Variants in TRPM3 observed in about 807,000 individuals in gnomAD.
The protein encoded by TRPM3 is long transient receptor potential channel 3.
In TRPM3, 77 loss-of-function variants were observed where a neutral mutation model predicts 181.2. That is an observed-to-expected ratio of 0.42 (90% CI 0.35 to 0.51). The LOEUF (loss-of-function observed/expected upper bound fraction) is 0.51. Among genes scored for constraint, TRPM3 ranks in the 20% least tolerant of loss-of-function variants. The pLI, the probability that TRPM3 is intolerant of heterozygous loss-of-function variation, is 0.01. For missense variants in TRPM3, 1,759 were observed against 2,196.7 expected (o/e 0.80, Z 3.98); for synonymous variants, 745 against 796.4 (o/e 0.94, Z 1.09).
chr9:70,701,545 C>CT (rs2072581497), intron 8 of TRPM3, among the ~76,000 whole-genome samples: 2 of 152,068 alleles, frequency 1.3e-5, no homozygotes, highest in Non-Finnish European at 2.9e-5. Context: ...TCAAATTAGT[C>CT]TTTTTTTCCT....
intron 1 of TRPM3, among the ~76,000 whole-genome samples, chr9:71,360,134 T>A (rs2092082419): frequency 6.6e-6 from 1 of 152,132 alleles, no homozygotes; most frequent in South Asian, 2.1e-4. Context: ...TCCTAATCTT[T>A]ACTTCCAAGC....
At chr9:71,397,418 TAA>T (rs2093227325) in intron 1 of TRPM3, among the ~76,000 whole-genome samples, 1 of 152,200 alleles carries the variant, frequency 6.6e-6, no homozygotes, top group Non-Finnish European at 1.5e-5. Flanking sequence ...GATAATCTTA[TAA>T]ACTGTATCTT....
Position 70,535,548 on chromosome 9 carries a change from G to A in TRPM3, c.*405C>T. ...TACGCTGGCTATTTTATTTTATTTTGCAATTTAGCCCTGCATCCTACAACT... is the reference window on the plus strand; with the variant it reads ...TACGCTGGCTATTTTATTTTATTTTACAATTTAGCCCTGCATCCTACAACT... On this transcript the variant is annotated 3_prime_UTR_variant, in exon 26 of 26. Coordinates refer to ENST00000677713, the MANE Select transcript of TRPM3 (RefSeq NM_001366145.2). 3 of 1,542,806 alleles carry A rather than the reference G, an allele frequency of 1.9e-6. No individual in the cohort carries two copies. Among genetic ancestry groups the A allele is most frequent in the Non-Finnish European group, 2.6e-6 (3 of 1,145,132 alleles).
At chr9:71,250,324 C>CT (rs1423811508) in intron 1 of TRPM3, among the ~76,000 whole-genome samples, 1 of 152,016 alleles carries the variant, frequency 6.6e-6, no homozygotes, top group East Asian at 1.9e-4. Flanking sequence ...TCTCATTTTG[C>CT]TTTTTATTTT....
chr9:70,670,767 T>C (rs1263631586), intron 9 of TRPM3, among the ~76,000 whole-genome samples: 1 of 152,182 alleles, frequency 6.6e-6, no homozygotes, highest in African/African-American at 2.4e-5. Flanking sequence ...GTATTTACCA[T>C]AAAGAAGGCA....
chr9:70,675,348 GGCCTCCCAAAGTGCTGGGAT>G, intron 9 of TRPM3, among the ~76,000 whole-genome samples: 1 of 152,218 alleles, frequency 6.6e-6, no homozygotes, highest in African/African-American at 2.4e-5. Flanking sequence ...TGATCCACTC[GGCCTCCCAAAGTGCTGGGAT>G]TACAGGTGTG....
chr9:71,307,047 C>T (rs373032430), intron 1 of TRPM3, among the ~76,000 whole-genome samples: 3 of 152,098 alleles, frequency 2.0e-5, no homozygotes, highest in Admixed American at 6.5e-5. Flanking sequence ...CTCCTCTGAA[C>T]ATTTTATGCA....
chr9:71,360,767 T>C (rs2092107145), intron 1 of TRPM3, among the ~76,000 whole-genome samples: 1 of 152,156 alleles, frequency 6.6e-6, no homozygotes, highest in South Asian at 2.1e-4. Flanking sequence ...CAAGATTTAA[T>C]GCCCAGAGCA....
intron 1 of TRPM3, among the ~76,000 whole-genome samples, chr9:71,289,201 G>A (rs1362702555): frequency 1.3e-5 from 2 of 152,028 alleles, no homozygotes; most frequent in African/African-American, 4.8e-5. Flanking sequence ...AACGCTAACT[G>A]CAGGATTTAT....
At chr9:71,297,803 G>A (rs1229812406) in intron 1 of TRPM3, among the ~76,000 whole-genome samples, 1 of 152,152 alleles carries the variant, frequency 6.6e-6, no homozygotes, top group African/African-American at 2.4e-5. Flanking sequence ...CAGAAGCAGA[G>A]TTTGAATCCA....
In TRPM3 at chr9:71,293,065, T is replaced by C. The variant is rs117161305; in HGVS notation, c.183+153588A>G. On this transcript the variant is annotated intron_variant, in intron 1 of 24. Transcript: ENST00000357533. ...AAAAGTCTACATATTCATCTCAATA[T>C]ATTTGGTAAAAAGTGTTCTTTAACA... Among the ~76,000 whole-genome samples the C allele has an allele frequency of 4.1e-3, 621 of 152,056 alleles. 3 individuals are homozygous for C. The highest frequency in any genetic ancestry group is 6.0e-3 in the Non-Finnish European group (406 of 67,802).
At chr9:70,567,419 T>C (rs1432879671) in intron 22 of TRPM3, among the ~76,000 whole-genome samples, 1 of 152,290 alleles carries the variant, frequency 6.6e-6, no homozygotes, top group Non-Finnish European at 1.5e-5. Flanking sequence ...ACTAAGTTGA[T>C]AATATTCATT....
At chr9:71,222,904 A>G (rs2080327562) in intron 1 of TRPM3, among the ~76,000 whole-genome samples, 2 of 152,194 alleles carry the variant, frequency 1.3e-5, no homozygotes, top group African/African-American at 4.8e-5. Flanking sequence ...CTTGAGTTTC[A>G]GCAAGCCTCA....
At position 70,537,277 on chromosome 9, in the gene TRPM3, A is replaced by C; in HGVS notation, c.3836T>G (p.Leu1279Arg). ...CCGCTCCAGACCTGTCAGGCGCTCC[A>C]GGGCCGTGGCCATGCGCCCGATAAG... ...EDLIGRMATA[L>R]ERLTGLERAE... Residue 1279 changes from leucine (L) to arginine (R), a missense_variant, in exon 26 of 26, where the codon CTG (leucine) becomes CGG (arginine). Leu to Arg is a moderately radical substitution (Grantham distance 102). Coordinates refer to ENST00000677713, the MANE Select transcript of TRPM3 (RefSeq NM_001366145.2). 6.3e-7 allele frequency: 1 copy of C among 1,577,372 alleles called. No individual in the cohort carries two copies. The highest frequency in any genetic ancestry group is 8.6e-7 in the Non-Finnish European group (1 of 1,157,118).
At chr9:71,019,113 T>G (rs948875807) in intron 1 of TRPM3, among the ~76,000 whole-genome samples, 1 of 151,928 alleles carries the variant, frequency 6.6e-6, no homozygotes, top group Non-Finnish European at 1.5e-5. Flanking sequence ...ATGATAAAGT[T>G]TATCTACAAA....
intron 1 of TRPM3, among the ~76,000 whole-genome samples, chr9:71,140,109 T>C (rs1036155616): frequency 3.4e-4 from 52 of 152,310 alleles, no homozygotes; most frequent in African/African-American, 1.2e-3. Context: ...GCTGGCATCC[T>C]GAAATGTTGC....
intron 1 of TRPM3, among the ~76,000 whole-genome samples, chr9:71,415,592 C>T (rs2093624653): frequency 1.3e-5 from 2 of 151,902 alleles, no homozygotes; most frequent in Admixed American, 6.6e-5. Context: ...AAGAAAATTA[C>T]AAGCAGACTT....
intron 1 of TRPM3, among the ~76,000 whole-genome samples, chr9:71,441,579 C>A (rs1056893118): frequency 6.6e-6 from 1 of 150,694 alleles, no homozygotes; most frequent in Non-Finnish European, 1.5e-5. Context: ...CTTAAATGGG[C>A]AATTGGTTGG....
chr9:70,883,493 G>C (rs1024095606), intron 1 of TRPM3, among the ~76,000 whole-genome samples: 1 of 152,180 alleles, frequency 6.6e-6, no homozygotes, highest in African/African-American at 2.4e-5. Flanking sequence ...GAAATGCTGT[G>C]TATAAGACAG....
Sources: allele counts gnomAD v4.1 joint callset (sites outside exome capture counted in the v4.1 genomes callset), GRCh38; gene constraint gnomAD v4.1.1; transcripts MANE v1.5; gene names NCBI Gene and HGNC (gene_info 2026-07-23, HGNC 2026-07-21).